Variants in DZIP3 observed in about 807,000 individuals in gnomAD.
DZIP3 encodes the protein E3 ubiquitin-protein ligase DZIP3.
In DZIP3, 118 loss-of-function variants were observed where a neutral mutation model predicts 162.0. The observed-to-expected ratio is 0.73, with a 90% CI of 0.63 to 0.85. The LOEUF (loss-of-function observed/expected upper bound fraction) is 0.85, where lower values mean the gene tolerates loss of function less well. DZIP3 is among the 40% of genes least tolerant of loss of function. The pLI, the probability that DZIP3 is intolerant of heterozygous loss-of-function variation, is 0.00. For synonymous variants in DZIP3, 438 were observed against 458.6 expected, an observed-to-expected ratio of 0.96 and a Z score of 0.57; for missense variants, 1,331 against 1,407.0, an observed-to-expected ratio of 0.95 and a Z score of 0.86.
intron 5 of DZIP3, 125 bp downstream of exon 5, chr3:108,616,782 A>G (rs1941041898): frequency 4.7e-6 from 3 of 643,934 alleles, no homozygotes; most frequent in Non-Finnish European, 8.1e-6. Context: ...TTACCTCTAG[A>G]AAAGGGTATG....
At position 108,636,727 on chromosome 3, in the gene DZIP3, CCT is replaced by C. The variant is rs1942165267; in HGVS notation, c.1011+20_1011+21del. On this transcript the variant is annotated intron_variant, in intron 11 of 32. Transcript: ENST00000361582. ...AATTTTGGTGAGTATCTTGTTTTGT[CCT>C]TTTTTTTTTTTCTTGCTTTCCTTCC... 2.3e-6 allele frequency: 3 copies of C among 1,332,948 alleles called. No homozygotes were observed. The highest frequency in any genetic ancestry group is 3.5e-5 in the African/African-American group (1 of 28,418). The allele number at this position is 1,332,948 out of a possible 1,614,324, so 82.6% of individuals were successfully genotyped here. A position where few individuals can be genotyped will look rare whatever the true frequency, so the allele number is the denominator to read the frequency against.
upstream of DZIP3, chr3:108,589,619 C>A (rs1934930182): frequency 1.1e-5 from 4 of 377,290 alleles, no homozygotes; most frequent in South Asian, 1.8e-4. Context: ...CGCTAACCCA[C>A]CCTCGTCTGA....
intron 7 of DZIP3, among the ~76,000 whole-genome samples, chr3:108,628,350 A>G (rs1941680796): frequency 6.6e-6 from 1 of 152,192 alleles, no homozygotes; most frequent in Non-Finnish European, 1.5e-5. Flanking sequence ...TTCTAAGCAC[A>G]TTCACCTAAA....
chr3:108,689,066 C>T, intron 31 of DZIP3, 142 bp downstream of exon 31: 2 of 778,616 alleles, frequency 2.6e-6, no homozygotes, highest in Non-Finnish European at 4.2e-6. Flanking sequence ...CACACAGAAA[C>T]ATTTATGCTT....
chr3:108,593,139 A>C (rs1488635429), intron 1 of DZIP3, among the ~76,000 whole-genome samples: 1 of 152,226 alleles, frequency 6.6e-6, no homozygotes, highest in Non-Finnish European at 1.5e-5. Context: ...TCACTTTAAA[A>C]TTATAACACA....
intron 4 of DZIP3, among the ~76,000 whole-genome samples, chr3:108,613,270 C>T (rs576058621): frequency 3.5e-4 from 53 of 152,002 alleles, no homozygotes; most frequent in Admixed American, 1.2e-3. Flanking sequence ...TGGTTAGTGT[C>T]GCTAAATGCT....
At chr3:108,613,546 A>G (rs919792110) in intron 4 of DZIP3, among the ~76,000 whole-genome samples, 5 of 152,210 alleles carry the variant, frequency 3.3e-5, no homozygotes, top group East Asian at 1.9e-4. Flanking sequence ...AAGGAAAAAG[A>G]CAAATCAATC....
chr3:108,644,822 G>T (rs1942555476), intron 14 of DZIP3, 41 bp downstream of exon 14: 2 of 1,557,550 alleles, frequency 1.3e-6, no homozygotes, highest in African/African-American at 2.7e-5. Flanking sequence ...AACTTCCATT[G>T]ATTGAATGTC....
intron 3 of DZIP3, among the ~76,000 whole-genome samples, chr3:108,610,081 T>G (rs1222286939): frequency 6.6e-6 from 1 of 152,160 alleles, no homozygotes; most frequent in Non-Finnish European, 1.5e-5. Flanking sequence ...GATTGCAAGA[T>G]AGTAAAATGA....
intron 26 of DZIP3, among the ~76,000 whole-genome samples, chr3:108,681,666 A>T (rs1348036990): frequency 6.6e-6 from 1 of 152,116 alleles, no homozygotes; most frequent in African/African-American, 2.4e-5. Context: ...AGTAGCAAAG[A>T]CTTGAAACCA....
intron 12 of DZIP3, among the ~76,000 whole-genome samples, chr3:108,640,048 T>G (rs1942320798): frequency 6.6e-6 from 1 of 152,164 alleles, no homozygotes; most frequent in Admixed American, 6.5e-5. Context: ...AGTATTTGTT[T>G]AATTGCCAAA....
intron 21 of DZIP3, among the ~76,000 whole-genome samples, chr3:108,662,558 A>G (rs1362424021): frequency 2.6e-5 from 4 of 152,212 alleles, no homozygotes; most frequent in Non-Finnish European, 5.9e-5. Flanking sequence ...TAAAAATGTG[A>G]CCAATGATTG....
In DZIP3 at chr3:108,672,603, A is replaced by G; in HGVS notation, c.2536A>G (p.Lys846Glu). Residue 846 changes from lysine (K) to glutamate (E), a missense_variant, in exon 23 of 33, where the codon AAA (lysine) becomes GAA (glutamate). Transcript: ENST00000361582. ...MEKHNLESTM[K>E]TYVSKLNAET... ...AAAACATAATCTGGAAAGCACAATG[A>G]AAACATACGTAAGCAAACTGAACGC... 6.2e-7 allele frequency: 1 copy of G among 1,612,192 alleles called. No individual in the cohort carries two copies. Among genetic ancestry groups the G allele is most frequent in the Non-Finnish European group, 8.5e-7 (1 of 1,178,742 alleles).
In DZIP3 at chr3:108,625,902, G is replaced by A. The variant is rs1281724752; in HGVS notation, c.514G>A (p.Glu172Lys). Residue 172 changes from glutamate (E) to lysine (K), a missense_variant, in exon 7 of 33, where the codon GAA (glutamate) becomes AAA (lysine). Transcript: ENST00000361582. ...GATGAAGATGATGATCCAAGAAAAT[G>A]AAATTTGTGAAAACTTTATGTCTTT... ...LVMKMMIQEN[E>K]ICENFMSLVY... 4.3e-6 allele frequency: 7 copies of A among 1,613,406 alleles called. No individual in the cohort carries two copies. The highest frequency in any genetic ancestry group is 5.9e-6 in the Non-Finnish European group (7 of 1,179,782).
intron 11 of DZIP3, 99 bp downstream of exon 11, chr3:108,636,807 T>C (rs951003290): frequency 2.0e-4 from 160 of 803,610 alleles, no homozygotes; most frequent in Middle Eastern, 2.4e-4. Flanking sequence ...ATAATTAGAT[T>C]CCAGCCATAT....
intron 12 of DZIP3, among the ~76,000 whole-genome samples, chr3:108,640,851 C>A (rs985590227): frequency 2.6e-5 from 4 of 152,042 alleles, no homozygotes; most frequent in African/African-American, 9.7e-5. Flanking sequence ...ATGGTATATC[C>A]TTTTGCATCC....
At chr3:108,623,220 GC>G (rs1284697707) in intron 5 of DZIP3, among the ~76,000 whole-genome samples, 1 of 151,916 alleles carries the variant, frequency 6.6e-6, no homozygotes, top group Non-Finnish European at 1.5e-5. Flanking sequence ...TTTTCCCTCT[GC>G]CTTTCTCAAG....
chr3:108,618,623 T>C (rs1559730875), intron 5 of DZIP3, among the ~76,000 whole-genome samples: 1 of 152,156 alleles, frequency 6.6e-6, no homozygotes, highest in African/African-American at 2.4e-5. Context: ...TAGACTCACT[T>C]AGTCCATCAA....
intron 10 of DZIP3, 89 bp from the exon 11 acceptor site, chr3:108,636,527 T>C: frequency 2.4e-6 from 2 of 832,908 alleles, no homozygotes; most frequent in Non-Finnish European, 3.6e-6. Context: ...CTAGCAACAT[T>C]TGCTTCTAAC....
Sources: gnomAD v4.1 joint callset for allele counts (sites outside exome capture counted in the v4.1 genomes callset) on GRCh38, gnomAD v4.1.1 for gene constraint, MANE v1.5 for transcripts, NCBI Gene and HGNC (gene_info 2026-07-23, HGNC 2026-07-21) for gene names.